The following RFT1 variants were observed in gnomAD, a reference collection of about 807,000 sequenced individuals.
RFT1 encodes the protein RFT1 glycolipid translocator homolog, also known as man(5)GlcNAc(2)-PP-dolichol translocation protein RFT1.
A neutral mutation model predicts 62.2 loss-of-function variants in RFT1; 43 were observed. That is an observed-to-expected ratio of 0.69 (90% CI 0.54 to 0.89). The LOEUF is 0.89. RFT1 is among the 40% of genes least tolerant of loss of function. RFT1 has a pLI of 0.00. For synonymous variants in RFT1, 262 were observed against 264.6 expected (o/e 0.99, Z 0.10); for missense variants, 605 against 649.9 (o/e 0.93, Z 0.75).
rs1289036992 is a variant in RFT1 at position 53,104,079 on chromosome 3, C to T, written c.976G>A (p.Ala326Thr). 6.2e-7 allele frequency: 1 copy of T among 1,614,202 alleles called. No homozygotes were observed. Among genetic ancestry groups the T allele is most frequent in the Non-Finnish European group, 8.5e-7 (1 of 1,180,026 alleles). ...LQKQEDVAVA[A>T]AVLESLLKLA... ...TTGAGCAGGGACTCCAAGACTGCAG[C>T]AGCCACAGCAACGTCCTCCTGGGGC... The change falls in exon 10 of 13, where the codon GCT becomes ACT. Residue 326 changes from alanine to threonine, a missense_variant. Ala to Thr is a moderately conservative substitution (Grantham distance 58). Transcript: ENST00000296292.
At chr3:53,082,058 C>T in the RFT1 span, among the ~76,000 whole-genome samples, 3 of 152,060 alleles carry the variant, frequency 2.0e-5, no homozygotes, top group Non-Finnish European at 4.4e-5. Context: ...ATCTTCCCGC[C>T]TCAGCCTCCT....
chr3:53,077,251 C>T, the RFT1 span, among the ~76,000 whole-genome samples: 1 of 152,228 alleles, frequency 6.6e-6, no homozygotes, highest in Admixed American at 6.5e-5. Context: ...GTAAAGGACA[C>T]AGCAGAGCTG....
At chr3:53,084,049 C>T (rs921276863), downstream of RFT1, among the ~76,000 whole-genome samples, 2 of 152,278 alleles carry the variant, frequency 1.3e-5, no homozygotes, top group Admixed American at 1.3e-4. Flanking sequence ...GCTCTGTTTT[C>T]CTTCTGGCTG....
intron 5 of RFT1, among the ~76,000 whole-genome samples, chr3:53,121,019 A>T: frequency 6.6e-6 from 1 of 152,260 alleles, no homozygotes; most frequent in East Asian, 1.9e-4. Context: ...ATCTTAATTT[A>T]TCTTCCTAAA....
At chr3:53,098,268 G>A (rs1023011430) in intron 11 of RFT1, among the ~76,000 whole-genome samples, 1 of 152,238 alleles carries the variant, frequency 6.6e-6, no homozygotes, top group African/African-American at 2.4e-5. Flanking sequence ...TTGGCTAGGA[G>A]TGGACCAGAA....
the RFT1 span, among the ~76,000 whole-genome samples, chr3:53,079,935 T>C: frequency 1.4e-5 from 2 of 144,038 alleles, no homozygotes; most frequent in Non-Finnish European, 2.9e-5. Flanking sequence ...GGTGAGGCCA[T>C]GTGGGGGTGC....
rs1050471258 is a variant in RFT1, at chr3:53,091,329, C to T, written c.*574G>A. The T allele has an allele frequency of 1.2e-5, 2 of 162,108 alleles. No homozygotes were observed. Among genetic ancestry groups the T allele is most frequent in the African/African-American group, 4.8e-5 (2 of 41,500 alleles). The allele number at this position is 162,108 out of a possible 1,614,324, so 10.0% of individuals were successfully genotyped here. A position where few individuals can be genotyped will look rare whatever the true frequency, so the allele number is the denominator to read the frequency against. ...TGGGAAATGTGATCTGAAAACCTTC[C>T]TGGTTTCATTTCTTGGATTTCTCAC... is the stretch of plus-strand genomic sequence containing the variant. On this transcript the variant is annotated 3_prime_UTR_variant, in exon 13 of 13. Transcript: ENST00000296292.
At chr3:53,118,059 A>T (rs1382277220) in intron 6 of RFT1, among the ~76,000 whole-genome samples, 1 of 151,844 alleles carries the variant, frequency 6.6e-6, no homozygotes. Context: ...CCAGCTAATT[A>T]AAAAAATTTT....
intron 1 of RFT1, among the ~76,000 whole-genome samples, chr3:53,128,335 G>A (rs1019737856): frequency 2.6e-5 from 4 of 152,066 alleles, no homozygotes; most frequent in African/African-American, 7.2e-5. Flanking sequence ...ACATACTTAT[G>A]TTAACCTCAA....
intron 6 of RFT1, among the ~76,000 whole-genome samples, chr3:53,118,594 T>C (rs897316494): frequency 4.6e-5 from 7 of 152,234 alleles, no homozygotes; most frequent in Middle Eastern, 3.4e-3. Context: ...ACAAGAGGAA[T>C]AAGGAGAAAT....
chr3:53,076,572 C>A, the RFT1 span, among the ~76,000 whole-genome samples: 2 of 152,114 alleles, frequency 1.3e-5, no homozygotes, highest in Non-Finnish European at 2.9e-5. Flanking sequence ...TATCAACTTA[C>A]GCCAAATCAT....
the RFT1 span, among the ~76,000 whole-genome samples, chr3:53,080,497 T>C: frequency 3.3e-5 from 5 of 152,220 alleles, no homozygotes; most frequent in Non-Finnish European, 4.4e-5. Flanking sequence ...AATGTTTCCA[T>C]TGGAATTTTA....
chr3:53,124,238 G>T (rs888583840), intron 2 of RFT1, among the ~76,000 whole-genome samples: 1 of 152,180 alleles, frequency 6.6e-6, no homozygotes, highest in Non-Finnish European at 1.5e-5. Context: ...AGCCTCTACC[G>T]AGTGGAGGCT....
the RFT1 span, among the ~76,000 whole-genome samples, chr3:53,070,400 T>TTTTTG: frequency 4.4e-5 from 6 of 135,622 alleles, no homozygotes; most frequent in Non-Finnish European, 9.5e-5. Flanking sequence ...ATGGTTTTTT[T>TTTTTG]TTTTTTTTTT....
intron 7 of RFT1, among the ~76,000 whole-genome samples, chr3:53,107,566 GC>G (rs1213103333): frequency 1.3e-5 from 2 of 151,842 alleles, no homozygotes; most frequent in African/African-American, 4.8e-5. Context: ...ATGATTATAT[GC>G]ACAAGCTTAT....
chr3:53,103,283 A>G, intron 10 of RFT1: 3 of 985,390 alleles, frequency 3.0e-6, no homozygotes, highest in Non-Finnish European at 3.6e-6. Flanking sequence ...AATTAAAAAC[A>G]TCTTTGCTAA....
intron 2 of RFT1, among the ~76,000 whole-genome samples, chr3:53,124,859 C>G (rs1702066409): frequency 2.0e-5 from 3 of 152,244 alleles, no homozygotes; most frequent in East Asian, 3.9e-4. Flanking sequence ...GTAGGCCCAG[C>G]TGCTCAGGAG....
intron 6 of RFT1, among the ~76,000 whole-genome samples, chr3:53,115,530 A>G (rs778946572): frequency 3.9e-5 from 6 of 152,080 alleles, no homozygotes; most frequent in African/African-American, 7.2e-5. Context: ...ACTTCCCTTC[A>G]TAACTTCCCG....
intron 10 of RFT1, among the ~76,000 whole-genome samples, chr3:53,100,862 T>C (rs1701290438): frequency 6.6e-6 from 1 of 152,134 alleles, no homozygotes; most frequent in South Asian, 2.1e-4. Flanking sequence ...GGTAGTTACA[T>C]GGGATTTTTT....
Sources: allele counts gnomAD v4.1 joint callset (sites outside exome capture counted in the v4.1 genomes callset), GRCh38; gene constraint gnomAD v4.1.1; transcripts MANE v1.5; gene names NCBI Gene and HGNC (gene_info 2026-07-23, HGNC 2026-07-21).